The following SPAG16 variants were observed in gnomAD, a reference collection of about 807,000 sequenced individuals.
SPAG16 encodes sperm-associated antigen 16 protein.
A neutral mutation model predicts 80.4 loss-of-function variants in SPAG16; 86 were observed. The observed-to-expected ratio is 1.07, with a 90% confidence interval of 0.90 to 1.28. The LOEUF (loss-of-function observed/expected upper bound fraction) is 1.28, where lower values mean the gene tolerates loss of function less well. Ranked by LOEUF, SPAG16 falls within the 50% of genes most tolerant of loss-of-function variation. The pLI, the probability that SPAG16 is intolerant of heterozygous loss-of-function variation, is 0.00. For missense variants in SPAG16, 870 were observed against 765.3 expected (o/e 1.14, Z -1.61); for synonymous variants, 294 against 265.9 (o/e 1.11, Z -1.03).
At chr2:214,286,535 C>A (rs1042992758) in intron 15 of SPAG16, among the ~76,000 whole-genome samples, 3 of 152,072 alleles carry the variant, frequency 2.0e-5, no homozygotes, top group African/African-American at 4.8e-5. Flanking sequence ...TCACTTGAAG[C>A]CAGGAGTTGG....
chr2:213,612,535 C>T (rs1262235332), intron 10 of SPAG16, among the ~76,000 whole-genome samples: 1 of 151,962 alleles, frequency 6.6e-6, no homozygotes, highest in Non-Finnish European at 1.5e-5. Flanking sequence ...TTCTTTTTTG[C>T]CTCAGTAAAT....
chr2:214,230,812 G>A (rs1688643067), intron 15 of SPAG16, among the ~76,000 whole-genome samples: 1 of 151,822 alleles, frequency 6.6e-6, no homozygotes, highest in East Asian at 1.9e-4. Flanking sequence ...AATGAGGAGG[G>A]GTCATTACAG....
rs1416337989 is a variant in SPAG16, at chr2:213,375,122, A to G, written c.942+3A>G. ...CAAAGATGAAAGGCAATACAAAGGT[A>G]TGATATTTGTTTTTGTTTGCATTAA... is the stretch of plus-strand genomic sequence containing the variant. On this transcript the variant is annotated splice_donor_region_variant and intron_variant, in intron 9 of 15. Coordinates refer to ENST00000331683, the MANE Select transcript of SPAG16 (RefSeq NM_024532.5). 1 of 1,585,672 alleles carries G rather than the reference A, an allele frequency of 6.3e-7. No individual in the cohort carries two copies. Among genetic ancestry groups the G allele is most frequent in the Non-Finnish European group, 8.6e-7 (1 of 1,165,188 alleles).
chr2:213,615,058 C>G (rs956423210), intron 10 of SPAG16, among the ~76,000 whole-genome samples: 2 of 152,188 alleles, frequency 1.3e-5, no homozygotes, highest in Non-Finnish European at 2.9e-5. Context: ...ATCTGAGAGT[C>G]TCAGAGTGGT....
chr2:213,954,635 A>G (rs1200397787), intron 12 of SPAG16, among the ~76,000 whole-genome samples: 2 of 152,142 alleles, frequency 1.3e-5, no homozygotes, highest in Admixed American at 1.3e-4. Context: ...TGCATACATT[A>G]GGTTGGACAT....
At chr2:214,181,465 C>A (rs969457710) in intron 15 of SPAG16, among the ~76,000 whole-genome samples, 1 of 151,674 alleles carries the variant, frequency 6.6e-6, no homozygotes, top group African/African-American at 2.4e-5. Flanking sequence ...TATAAGCAGT[C>A]CTTTTTCTCA....
chr2:213,833,516 TATATAATATATATA>T, intron 10 of SPAG16, among the ~76,000 whole-genome samples: 1 of 5,562 alleles, frequency 1.8e-4, no homozygotes, highest in African/African-American at 5.5e-4. Context: ...ATATATAATA[TATATAATATATATA>T]TTATATATAA....
At chr2:213,888,830 G>A (rs1232749673) in intron 11 of SPAG16, among the ~76,000 whole-genome samples, 1 of 151,778 alleles carries the variant, frequency 6.6e-6, no homozygotes, top group African/African-American at 2.4e-5. Flanking sequence ...AACATATTTG[G>A]AGGAAAACAT....
At chr2:214,289,930 T>C (rs1207322810) in intron 15 of SPAG16, among the ~76,000 whole-genome samples, 1 of 152,140 alleles carries the variant, frequency 6.6e-6, no homozygotes, top group Non-Finnish European at 1.5e-5. Context: ...AATGCTAGCC[T>C]CATAGAATGA....
chr2:214,351,691 AGACTCC>A (rs1262763388), intron 15 of SPAG16, among the ~76,000 whole-genome samples: 1 of 150,856 alleles, frequency 6.6e-6, no homozygotes, highest in Non-Finnish European at 1.5e-5. Context: ...TGACAGAGCG[AGACTCC>A]GTCTCAAAAC....
At chr2:213,288,193 C>G (rs900716155) in intron 1 of SPAG16, among the ~76,000 whole-genome samples, 1 of 152,220 alleles carries the variant, frequency 6.6e-6, no homozygotes, top group African/African-American at 2.4e-5. Flanking sequence ...GCTGGGATTA[C>G]AGACATGAGC....
chr2:213,604,516 C>T (rs2061185649), intron 10 of SPAG16, among the ~76,000 whole-genome samples: 1 of 152,136 alleles, frequency 6.6e-6, no homozygotes, highest in South Asian at 2.1e-4. Flanking sequence ...TTACTTTCAT[C>T]TAATTAATCA....
chr2:214,164,591 G>T (rs1454307005), intron 15 of SPAG16, among the ~76,000 whole-genome samples: 2 of 152,072 alleles, frequency 1.3e-5, no homozygotes, highest in African/African-American at 4.8e-5. Flanking sequence ...ACCAACGCTG[G>T]TCTTTATTCT....
At chr2:213,687,887 G>T (rs550053129) in intron 10 of SPAG16, among the ~76,000 whole-genome samples, 2 of 152,198 alleles carry the variant, frequency 1.3e-5, no homozygotes, top group South Asian at 4.1e-4. Context: ...TTGACAAAAA[G>T]ATTCAAACTC....
At chr2:213,408,911 C>T (rs115486849) in intron 9 of SPAG16, among the ~76,000 whole-genome samples, 91 of 152,172 alleles carry the variant, frequency 6.0e-4, no homozygotes, top group Middle Eastern at 3.4e-3. Flanking sequence ...TTTCAAGAAA[C>T]GTAGCTTGCT....
At chr2:213,730,586 A>G (rs2081724) in intron 10 of SPAG16, among the ~76,000 whole-genome samples, 2 of 152,088 alleles carry the variant, frequency 1.3e-5, no homozygotes, top group Non-Finnish European at 2.9e-5. Context: ...TCTATAGATA[A>G]GGCATTATTT....
intron 15 of SPAG16, among the ~76,000 whole-genome samples, chr2:214,218,319 C>A (rs973124034): frequency 1.3e-5 from 2 of 152,078 alleles, no homozygotes; most frequent in Non-Finnish European, 2.9e-5. Flanking sequence ...CTGAAGCCAC[C>A]CTTGAGAATT....
At chr2:213,649,890 A>G (rs2062961160) in intron 10 of SPAG16, among the ~76,000 whole-genome samples, 1 of 152,192 alleles carries the variant, frequency 6.6e-6, no homozygotes, top group African/African-American at 2.4e-5. Context: ...CTAGTTATCC[A>G]AAACTATGAG....
intron 11 of SPAG16, among the ~76,000 whole-genome samples, chr2:213,883,017 C>G (rs551267650): frequency 6.6e-6 from 1 of 152,270 alleles, no homozygotes; most frequent in African/African-American, 2.4e-5. Flanking sequence ...AGGCACCCAC[C>G]ACCACACCCG....
Sources: allele counts gnomAD v4.1 joint callset (sites outside exome capture counted in the v4.1 genomes callset), GRCh38; gene constraint gnomAD v4.1.1; transcripts MANE v1.5; gene names NCBI Gene and HGNC (gene_info 2026-07-23, HGNC 2026-07-21).